Variants in CDC42EP4 observed in about 807,000 individuals in gnomAD.
CDC42EP4 encodes CDC42 effector protein (Rho GTPase binding) 4.
In CDC42EP4, 6 loss-of-function variants were observed where a neutral mutation model predicts 5.6. The ratio of observed to expected loss-of-function variants is 1.07; its 90% CI spans 0.59 to 2.12. CDC42EP4 has a LOEUF of 2.12. Ranked by LOEUF, CDC42EP4 falls within the 30% of genes most tolerant of loss-of-function variation. The pLI, the probability that CDC42EP4 is intolerant of heterozygous loss-of-function variation, is 0.00. For missense variants in CDC42EP4, 490 were observed against 508.6 expected, an observed-to-expected ratio of 0.96 and a Z score of 0.35; for synonymous variants, 230 against 224.2, an observed-to-expected ratio of 1.03 and a Z score of -0.23.
rs758443372 is a variant in CDC42EP4 at position 73,286,026 on chromosome 17, T to C, written c.475A>G (p.Thr159Ala). 1.9e-6 allele frequency: 3 copies of C among 1,613,656 alleles called. No individual in the cohort carries two copies. Among genetic ancestry groups the C allele is most frequent in the African/African-American group, 1.3e-5 (1 of 74,934 alleles). The change falls in exon 2 of 2, where the codon ACG (threonine) becomes GCG (alanine). Residue 159 changes from threonine to alanine, a missense_variant. By Grantham distance (58) the Thr-to-Ala change is moderately conservative. Coordinates refer to ENST00000335793, the MANE Select transcript of CDC42EP4 (RefSeq NM_012121.5). This position sits in a 1 kb window ranked among gnomAD's most constrained non-coding sequence, Gnocchi z 7.7. Reference protein sequence around the residue: ...DGEGGDEEAGTEEAVPRRNGA... With the variant: ...DGEGGDEEAGAEEAVPRRNGA... ...TTCCGACGGGGCACTGCCTCCTCCG[T>C]GCCCGCCTCCTCATCGCCGCCCTCC...
Position 73,286,797 on chromosome 17 carries a change from A to T in CDC42EP4, c.-112-185T>A. The T allele has an allele frequency of 2.9e-6, 1 of 348,598 alleles. No individual in the cohort carries two copies. The highest frequency in any genetic ancestry group is 5.2e-6 in the Non-Finnish European group (1 of 191,388). The allele number at this position is 348,598 out of a possible 1,614,324, so 21.6% of individuals were successfully genotyped here. A position where few individuals can be genotyped will look rare whatever the true frequency, so the allele number is the denominator to read the frequency against. ...CATCCGCAGGCATTCAGAGTAGAGG[A>T]GTGATTTTGCAAATCTGGTTAGAGT... On this transcript the variant is annotated intron_variant, in intron 1 of 1. Transcript: ENST00000335793. The surrounding 1 kb of genome is among the most constrained non-coding windows in gnomAD (Gnocchi z 7.7).
chr17:73,307,502 C>T (rs1201164869), intron 1 of CDC42EP4, among the ~76,000 whole-genome samples: 1 of 146,944 alleles, frequency 6.8e-6, no homozygotes, highest in Non-Finnish European at 1.5e-5. Context: ...GGCTAGAATG[C>T]AGTGGCGCGA....
At chr17:73,307,559 T>C (rs1179105619) in intron 1 of CDC42EP4, among the ~76,000 whole-genome samples, 1 of 151,106 alleles carries the variant, frequency 6.6e-6, no homozygotes. Flanking sequence ...ACCATTCTCC[T>C]GCCTCAGCCT....
intron 1 of CDC42EP4, among the ~76,000 whole-genome samples, chr17:73,293,561 T>C (rs1285968817): frequency 6.6e-6 from 1 of 152,140 alleles, no homozygotes; most frequent in Non-Finnish European, 1.5e-5. Flanking sequence ...ATCCTACCCC[T>C]AGGCGGAACT....
intron 1 of CDC42EP4, among the ~76,000 whole-genome samples, chr17:73,291,662 G>A (rs1160278802): frequency 6.6e-6 from 1 of 151,984 alleles, no homozygotes; most frequent in South Asian, 2.1e-4. Context: ...CGTGGGGCAG[G>A]CACTCCCCAT....
intron 1 of CDC42EP4, among the ~76,000 whole-genome samples, chr17:73,305,001 C>A (rs1424814341): frequency 1.3e-5 from 2 of 152,142 alleles, no homozygotes; most frequent in East Asian, 3.9e-4. Context: ...GAACCACAGG[C>A]TTCAGGCCAG....
At chr17:73,295,906 CAAAAA>C (rs200176195) in intron 1 of CDC42EP4, among the ~76,000 whole-genome samples, 1 of 101,902 alleles carries the variant, frequency 9.8e-6, no homozygotes, top group African/African-American at 3.5e-5. Flanking sequence ...ACTCCATCTC[CAAAAA>C]AAAAAAAAAA....
At chr17:73,308,726 C>T (rs2062257193) in intron 1 of CDC42EP4, among the ~76,000 whole-genome samples, 1 of 152,024 alleles carries the variant, frequency 6.6e-6, no homozygotes, top group Non-Finnish European at 1.5e-5. Context: ...TGGAAAAGCT[C>T]TGGACTTGTT....
Position 73,296,800 on chromosome 17 carries a change from G to A in CDC42EP4, c.-112-10188C>T, listed in dbSNP as rs373665767. Among the ~76,000 whole-genome samples the A allele has an allele frequency of 1.8e-3, 271 of 151,094 alleles. 1 individual carries two copies. The highest frequency in any genetic ancestry group is 6.0e-3 in the African/African-American group (248 of 41,148). On this transcript the variant is annotated intron_variant, in intron 1 of 1. Transcript: ENST00000335793. ...GATAGAGACCATCCTGGCTAACATG[G>A]TGAAACCCCATCTCTACTAAAATAC...
chr17:73,305,341 GCTA>G (rs2062239616), intron 1 of CDC42EP4, among the ~76,000 whole-genome samples: 1 of 152,224 alleles, frequency 6.6e-6, no homozygotes, highest in South Asian at 2.1e-4. Context: ...TAGGAGTGGT[GCTA>G]CTACTGGGCA....
At position 73,286,219 on chromosome 17, in the gene CDC42EP4, C is replaced by T. The variant is rs780308501; in HGVS notation, c.282G>A (p.Arg94=). The change falls in exon 2 of 2, where the codon AGG becomes AGA. Residue 94 remains arginine, a synonymous_variant. Transcript: ENST00000335793. The surrounding 1 kb of genome is among the most constrained non-coding windows in gnomAD (Gnocchi z 7.7). The part of the protein sequence containing the change: ...RGSKRSQSVT[R]GEREQRDMLG... ...GCATGTCACGCTGCTCCCGCTCCCC[C>T]CTGGTCACCGACTGTGACCGCTTGC... 26 of 1,614,198 alleles carry T rather than the reference C, an allele frequency of 1.6e-5. No individual in the cohort carries two copies. In the South Asian group the frequency reaches 2.7e-4, roughly 17 times the overall value.
chr17:73,286,008 G>T lies in CDC42EP4; in HGVS notation c.493C>A (p.Arg165Ser). 2 of 1,613,480 alleles carry T rather than the reference G, an allele frequency of 1.2e-6. No homozygotes were observed. Among genetic ancestry groups the T allele is most frequent in the Non-Finnish European group, 8.5e-7 (1 of 1,179,862 alleles). ...EEAGTEEAVP[R>S]RNGAAGPHSP... ...TGTGGACCCGCGGCCCCATTCCGACGGGGCACTGCCTCCTCCGTGCCCGCC... is the reference window on the plus strand; with the variant it reads ...TGTGGACCCGCGGCCCCATTCCGACTGGGCACTGCCTCCTCCGTGCCCGCC... The change falls in exon 2 of 2, where the codon CGT (arginine) becomes AGT (serine). Residue 165 changes from arginine to serine, a missense_variant. Physicochemically the swap from Arg to Ser is moderately radical, Grantham distance 110 (BLOSUM62 -1). Transcript: ENST00000335793. The surrounding 1 kb of genome is among the most constrained non-coding windows in gnomAD (Gnocchi z 7.7).
At chr17:73,296,586 G>A (rs1464585528) in intron 1 of CDC42EP4, among the ~76,000 whole-genome samples, 1 of 152,146 alleles carries the variant, frequency 6.6e-6, no homozygotes, top group Non-Finnish European at 1.5e-5. Flanking sequence ...TTACCAAATG[G>A]CATTAAATGG....
intron 1 of CDC42EP4, chr17:73,306,626 C>CT (rs2062245371): frequency 6.6e-6 from 1 of 152,278 alleles, no homozygotes; most frequent in African/African-American, 2.4e-5. Flanking sequence ...CCCCTAGGCT[C>CT]TTTTTGGGCT....
chr17:73,286,265 A>G lies in CDC42EP4; in HGVS notation c.236T>C (p.Leu79Pro). ...PSSSSSKRSLLSRKFRGSKRS... is the reference protein window; with the variant it reads ...PSSSSSKRSLPSRKFRGSKRS... The stretch of plus-strand genomic sequence containing the variant: ...CTTGCTGCCCCGGAACTTCCTGGAC[A>G]GGAGACTGCGTTTGGAAGATGAAGA... Residue 79 changes from leucine (L) to proline (P), a missense_variant, in exon 2 of 2, where the codon CTG becomes CCG. Transcript: ENST00000335793. This position sits in a 1 kb window ranked among gnomAD's most constrained non-coding sequence, Gnocchi z 7.7. 1 of 1,614,224 alleles carries G rather than the reference A, an allele frequency of 6.2e-7. No individual in the cohort carries two copies. The highest frequency in any genetic ancestry group is 8.5e-7 in the Non-Finnish European group (1 of 1,180,042).
chr17:73,297,473 C>CAAAAAAAAAA (rs899469986), intron 1 of CDC42EP4, among the ~76,000 whole-genome samples: 1 of 150,434 alleles, frequency 6.6e-6, no homozygotes, highest in Non-Finnish European at 1.5e-5. Flanking sequence ...GACTCTGTCT[C>CAAAAAAAAAA]AAAAAAAATA....
chr17:73,292,069 G>C (rs2062164116), intron 1 of CDC42EP4, among the ~76,000 whole-genome samples: 1 of 152,204 alleles, frequency 6.6e-6, no homozygotes, highest in Non-Finnish European at 1.5e-5. Flanking sequence ...CCTGTCCCTG[G>C]CAGCTTGGCT....
Position 73,294,896 on chromosome 17 carries a change from C to T in CDC42EP4, c.-112-8284G>A, listed in dbSNP as rs191850004. Among the ~76,000 whole-genome samples, 566 of 152,214 alleles carry T rather than the reference C, an allele frequency of 3.7e-3. 4 individuals carry two copies. The highest frequency in any genetic ancestry group is 0.013 in the African/African-American group (528 of 41,554). On this transcript the variant is annotated intron_variant, in intron 1 of 1. Coordinates refer to ENST00000335793, the MANE Select transcript of CDC42EP4 (RefSeq NM_012121.5). ...GCACTCTTGGCTCACTGTACCTCCA[C>T]CTCCCAGATTCAGGCAATTCTCCTG...
In CDC42EP4 at chr17:73,287,301, C is replaced by T. The variant is rs114889700; in HGVS notation, c.-112-689G>A. On this transcript the variant is annotated intron_variant, in intron 1 of 1. Transcript: ENST00000335793. The stretch of plus-strand genomic sequence containing the variant: ...CCATAAATGAGGATCCCGCCTGTGA[C>T]GTCTCCACTGTGGAGCCCCAGGCTC... Among the ~76,000 whole-genome samples, 1,019 of 152,278 alleles carry T rather than the reference C, an allele frequency of 6.7e-3. 12 individuals are homozygous for T. Among genetic ancestry groups the T allele is most frequent in the African/African-American group, 0.023 (967 of 41,560 alleles).
Sources: gnomAD v4.1 joint callset for allele counts (sites outside exome capture counted in the v4.1 genomes callset) on GRCh38, gnomAD v4.1.1 for gene constraint, Gnocchi (gnomAD v3.1) non-coding constraint, MANE v1.5 for transcripts, NCBI Gene and HGNC (gene_info 2026-07-23, HGNC 2026-07-21) for gene names.